Variants in SKAP2 observed in about 807,000 individuals in gnomAD.
SKAP2 encodes src kinase-associated phosphoprotein 2.
Under a neutral mutation model 54.9 loss-of-function variants are expected in SKAP2, and 28 were observed. That is an observed-to-expected ratio of 0.51 (90% CI 0.38 to 0.70). The LOEUF is 0.70. SKAP2 is among the 30% of genes least tolerant of loss of function. SKAP2 has a pLI of 0.00. For synonymous variants in SKAP2, 137 were observed against 134.3 expected, an observed-to-expected ratio of 1.02 and a Z score of -0.14; for missense variants, 356 against 424.1, an observed-to-expected ratio of 0.84 and a Z score of 1.41.
chr7:26,725,525 T>C lies in SKAP2; in HGVS notation c.699A>G (p.Arg233=), dbSNP rs113902718. The change falls in exon 9 of 13, where the codon AGA becomes AGG. Residue 233 remains arginine (R), a synonymous_variant. Transcript: ENST00000345317. ...GATCAACATCATCATATAATTCTCC[T>C]CTCTCATCATAATCCTCAGGAATAA... ...SDIIPEDYDE[R]GELYDDVDHP... 6.2e-7 allele frequency: 1 copy of C among 1,610,316 alleles called. No individual in the cohort carries two copies. Among genetic ancestry groups the C allele is most frequent in the African/African-American group, 1.3e-5 (1 of 74,924 alleles).
At chr7:26,848,449 T>C (rs897252087) in intron 3 of SKAP2, among the ~76,000 whole-genome samples, 1 of 152,182 alleles carries the variant, frequency 6.6e-6, no homozygotes, top group Non-Finnish European at 1.5e-5. Flanking sequence ...CTTTAGTTCA[T>C]GCACAAAATT....
At chr7:26,837,614 C>A (rs1340824682) in intron 4 of SKAP2, among the ~76,000 whole-genome samples, 1 of 152,136 alleles carries the variant, frequency 6.6e-6, no homozygotes, top group Non-Finnish European at 1.5e-5. Context: ...CAAACACCCC[C>A]CAACAGGCCC....
intron 9 of SKAP2, among the ~76,000 whole-genome samples, chr7:26,714,804 G>A (rs575461294): frequency 7.9e-5 from 12 of 152,232 alleles, no homozygotes; most frequent in African/African-American, 2.4e-4. Flanking sequence ...ATACATTTTC[G>A]TGAAGCTACT....
At chr7:26,758,144 A>G (rs1351994744) in intron 4 of SKAP2, among the ~76,000 whole-genome samples, 1 of 152,208 alleles carries the variant, frequency 6.6e-6, no homozygotes, top group Non-Finnish European at 1.5e-5. Context: ...ACTCAGGAAA[A>G]AAGTCTGGAA....
At chr7:26,660,184 CTAATCTT>C in the SKAP2 span, among the ~76,000 whole-genome samples, 2 of 152,006 alleles carry the variant, frequency 1.3e-5, no homozygotes, top group Admixed American at 1.3e-4. Context: ...TGTTTCTATA[CTAATCTT>C]TAATATGCTG....
In SKAP2 at chr7:26,700,682, T is replaced by C. The variant is rs575764609; in HGVS notation, c.797-10320A>G. On this transcript the variant is annotated intron_variant, in intron 9 of 12. Coordinates refer to ENST00000345317, the MANE Select transcript of SKAP2 (RefSeq NM_003930.5). Reference sequence around the variant, plus strand: ...GTCCGCCTAGCCTAGTCTGGCCTTCTTCACTTTCATCCGGCGTATGTCCTA... The same window carrying C: ...GTCCGCCTAGCCTAGTCTGGCCTTCCTCACTTTCATCCGGCGTATGTCCTA... Among the ~76,000 whole-genome samples the C allele has an allele frequency of 3.3e-5, 5 of 152,336 alleles. No homozygotes were observed. The South Asian group carries it at 8.3e-4, about 25-fold the overall frequency.
At chr7:26,806,489 C>T (rs1184110117) in intron 4 of SKAP2, among the ~76,000 whole-genome samples, 1 of 152,112 alleles carries the variant, frequency 6.6e-6, no homozygotes, top group Non-Finnish European at 1.5e-5. Flanking sequence ...GTAGGAGAAG[C>T]CCTTGAGCCT....
intron 4 of SKAP2, among the ~76,000 whole-genome samples, chr7:26,787,607 G>C (rs1008609196): frequency 6.6e-6 from 1 of 152,086 alleles, no homozygotes; most frequent in African/African-American, 2.4e-5. Flanking sequence ...GATTACAGGC[G>C]TGAGCCACCA....
At chr7:26,683,046 A>G (rs1786539678) in intron 11 of SKAP2, among the ~76,000 whole-genome samples, 2 of 152,184 alleles carry the variant, frequency 1.3e-5, no homozygotes, top group Non-Finnish European at 2.9e-5. Context: ...TAAATTTCAT[A>G]TTTACAAAAG....
chr7:26,674,581 G>T (rs1480776902), intron 11 of SKAP2, among the ~76,000 whole-genome samples: 2 of 152,090 alleles, frequency 1.3e-5, no homozygotes, highest in Non-Finnish European at 2.9e-5. Flanking sequence ...GTTAAATGAG[G>T]AAACTGACAC....
At chr7:26,700,431 G>A (rs1054979643) in intron 9 of SKAP2, among the ~76,000 whole-genome samples, 1 of 152,116 alleles carries the variant, frequency 6.6e-6, no homozygotes, top group African/African-American at 2.4e-5. Flanking sequence ...TCTGAAAAGG[G>A]ATACCAGATA....
chr7:26,710,937 T>C (rs1018263783), intron 9 of SKAP2, among the ~76,000 whole-genome samples: 7 of 152,196 alleles, frequency 4.6e-5, no homozygotes, highest in African/African-American at 1.4e-4. Flanking sequence ...ATTATAATAC[T>C]ATATTTACTA....
intron 1 of SKAP2, among the ~76,000 whole-genome samples, chr7:26,855,926 C>G (rs1282595740): frequency 6.6e-6 from 1 of 151,860 alleles, no homozygotes; most frequent in Non-Finnish European, 1.5e-5. Flanking sequence ...TTTCTTTTTC[C>G]TTAACTACTT....
chr7:26,824,837 CT>C (rs1385151553), intron 4 of SKAP2, among the ~76,000 whole-genome samples: 1 of 152,160 alleles, frequency 6.6e-6, no homozygotes, highest in African/African-American at 2.4e-5. Context: ...TTGCCAACCC[CT>C]GATCTAGACT....
chr7:26,659,542 T>C, the SKAP2 span, among the ~76,000 whole-genome samples: 2 of 152,198 alleles, frequency 1.3e-5, no homozygotes, highest in Non-Finnish European at 2.9e-5. Flanking sequence ...TTATTGACAA[T>C]TTTATTGTAA....
chr7:26,854,582 A>C (rs879939632), intron 2 of SKAP2, among the ~76,000 whole-genome samples: 2 of 152,082 alleles, frequency 1.3e-5, no homozygotes, highest in Non-Finnish European at 2.9e-5. Context: ...AAAAATACAT[A>C]ATCAAGAAGG....
chr7:26,841,862 AAAC>A (rs1378171256), intron 4 of SKAP2, among the ~76,000 whole-genome samples: 12 of 152,066 alleles, frequency 7.9e-5, no homozygotes, highest in Non-Finnish European at 1.2e-4. Context: ...CAAAAGGACA[AAAC>A]AACAATCTGA....
In SKAP2 at chr7:26,778,869, A is replaced by C. The variant is rs376906122; in HGVS notation, c.308-38905T>G. On this transcript the variant is annotated intron_variant, in intron 4 of 12. Coordinates refer to ENST00000345317, the MANE Select transcript of SKAP2 (RefSeq NM_003930.5). ...CAATATTTGATATAACTTTTGAAGTAAATAAATGAATTACAATGATCTTCA... is the reference window on the plus strand; with the variant it reads ...CAATATTTGATATAACTTTTGAAGTCAATAAATGAATTACAATGATCTTCA... 2.0e-5 allele frequency among the ~76,000 whole-genome samples: 3 copies of C among 151,980 alleles called. No homozygotes were observed. The East Asian group carries it at 5.8e-4, about 29-fold the overall frequency.
intron 11 of SKAP2, among the ~76,000 whole-genome samples, chr7:26,673,445 T>C (rs1786283852): frequency 6.6e-6 from 1 of 152,120 alleles, no homozygotes; most frequent in Non-Finnish European, 1.5e-5. Context: ...CATTATGCGG[T>C]TATTCTGTTA....
Sources: gnomAD v4.1 joint callset for allele counts (sites outside exome capture counted in the v4.1 genomes callset) on GRCh38, gnomAD v4.1.1 for gene constraint, MANE v1.5 for transcripts, NCBI Gene and HGNC (gene_info 2026-07-23, HGNC 2026-07-21) for gene names.